NFATC1: variants seen among roughly 807,000 people sequenced by gnomAD.
NFATC1 encodes nuclear factor of activated T cells 1.
Under a neutral mutation model 76.0 loss-of-function variants are expected in NFATC1, and 22 were observed. The ratio of observed to expected loss-of-function variants is 0.29; its 90% CI spans 0.21 to 0.41. The LOEUF (loss-of-function observed/expected upper bound fraction) is 0.41. NFATC1 is among the 10% of genes least tolerant of loss of function. The probability of loss-of-function intolerance (pLI) is 1.00; values close to 1 mark genes in which losing one functional copy is unlikely to be tolerated. For synonymous variants in NFATC1, 704 were observed against 613.1 expected, an observed-to-expected ratio of 1.15 and a Z score of -2.19; for missense variants, 1,357 against 1,337.7, an observed-to-expected ratio of 1.01 and a Z score of -0.23.
At position 79,396,207 on chromosome 18, in the gene NFATC1, C is replaced by G; in HGVS notation, c.-18C>G. 1 of 1,470,288 alleles carries G rather than the reference C, an allele frequency of 6.8e-7. No homozygotes were observed. The highest frequency in any genetic ancestry group is 9.1e-7 in the Non-Finnish European group (1 of 1,101,824). The allele number at this position is 1,470,288 out of a possible 1,614,324, so 91.1% of individuals were successfully genotyped here. A position where few individuals can be genotyped will look rare whatever the true frequency, so the allele number is the denominator to read the frequency against. On this transcript the variant is annotated 5_prime_UTR_variant, in exon 1 of 10. Transcript: ENST00000427363. Reference sequence around the variant, plus strand: ...TGTGCCTCCGCCCGCCGCTCCACTCCCCGCCGCCGCCGCGCGGATGCCAAG... The same window carrying G: ...TGTGCCTCCGCCCGCCGCTCCACTCGCCGCCGCCGCCGCGCGGATGCCAAG...
chr18:79,527,461 G>C, intron 9 of NFATC1, 67 bp from the exon 10 acceptor site: 1 of 1,330,930 alleles, frequency 7.5e-7, no homozygotes, highest in Non-Finnish European at 1.1e-6. Context: ...GAGAAGCAGG[G>C]CTGGGGGCGT....
chr18:79,453,452 T>C (rs1294759370), intron 6 of NFATC1, among the ~76,000 whole-genome samples: 1 of 152,282 alleles, frequency 6.6e-6, no homozygotes. Context: ...GCCAAGGGGA[T>C]GCAGGACCAG....
chr18:79,400,506 G>T, intron 1 of NFATC1: 1 of 1,401,016 alleles, frequency 7.1e-7, no homozygotes, highest in Non-Finnish European at 9.3e-7. Context: ...GGGCGCGGGG[G>T]GCGCGGGGCC....
At chr18:79,512,472 C>T (rs2090278670) in intron 9 of NFATC1, among the ~76,000 whole-genome samples, 2 of 152,208 alleles carry the variant, frequency 1.3e-5, no homozygotes, top group South Asian at 4.1e-4. Flanking sequence ...GGAGGAGAAG[C>T]AACCCTGGCT....
intron 1 of NFATC1, among the ~76,000 whole-genome samples, chr18:79,397,771 C>G (rs1264245112): frequency 3.9e-5 from 6 of 152,138 alleles, no homozygotes; most frequent in African/African-American, 1.2e-4. Context: ...GGTGGCCGAC[C>G]TGTAGTAAGG....
intron 6 of NFATC1, among the ~76,000 whole-genome samples, chr18:79,454,937 G>A (rs992205426): frequency 8.6e-5 from 13 of 151,348 alleles, no homozygotes; most frequent in South Asian, 2.1e-4. Context: ...TCTGTGTTCC[G>A]ATGTGAGGCA....
chr18:79,482,899 G>A (rs564268360), intron 8 of NFATC1, among the ~76,000 whole-genome samples: 54 of 133,184 alleles, frequency 4.1e-4, no homozygotes, highest in Admixed American at 3.9e-4. Flanking sequence ...TCATTCCAGC[G>A]TGACCTGGTC....
At position 79,407,524 on chromosome 18, in the gene NFATC1, T is replaced by C. The variant is rs1348813825; in HGVS notation, c.128-2879T>C. Among the ~76,000 whole-genome samples, 3 of 152,220 alleles carry C rather than the reference T, an allele frequency of 2.0e-5. No homozygotes were observed. In the East Asian group the frequency reaches 5.8e-4, roughly 29 times the overall value. On this transcript the variant is annotated intron_variant, in intron 1 of 9. Transcript: ENST00000427363. Reference sequence around the variant, plus strand: ...GCAGGCTGGAGTGATCTCAGCTCACTGCAACCTCTGCCTCCTGGGCTCAAG... The same window carrying C: ...GCAGGCTGGAGTGATCTCAGCTCACCGCAACCTCTGCCTCCTGGGCTCAAG...
rs2085620806 is a variant in NFATC1, at chr18:79,410,321, T to A, written c.128-82T>A. Reference sequence around the variant, plus strand: ...GGGTCCGTTGGTCGAGGCCGGGGGTTGCTGGCCGGCCCTGAGTTCATGGGT... The same window carrying A: ...GGGTCCGTTGGTCGAGGCCGGGGGTAGCTGGCCGGCCCTGAGTTCATGGGT... On this transcript the variant is annotated intron_variant, in intron 1 of 9. Coordinates refer to ENST00000427363, the MANE Select transcript of NFATC1 (RefSeq NM_001278669.2). This position sits in a 1 kb window ranked among gnomAD's most constrained non-coding sequence, Gnocchi z 6.7. The A allele has an allele frequency of 6.6e-7, 1 of 1,523,598 alleles. No individual in the cohort carries two copies. Among genetic ancestry groups the A allele is most frequent in the African/African-American group, 1.4e-5 (1 of 72,466 alleles). The allele number at this position is 1,523,598 out of a possible 1,614,324, so 94.4% of individuals were successfully genotyped here. A position where few individuals can be genotyped will look rare whatever the true frequency, so the allele number is the denominator to read the frequency against.
chr18:79,432,383 T>TTGG (rs1324657737), intron 2 of NFATC1, among the ~76,000 whole-genome samples: 3 of 152,152 alleles, frequency 2.0e-5, no homozygotes, highest in African/African-American at 7.2e-5. Flanking sequence ...GTGAGGACGG[T>TTGG]CGGCGGGCCC....
chr18:79,488,099 G>A (rs2089566902), intron 9 of NFATC1, among the ~76,000 whole-genome samples: 1 of 152,198 alleles, frequency 6.6e-6, no homozygotes, highest in African/African-American at 2.4e-5. Context: ...GGACTCCCGG[G>A]CGTCAGGAGC....
At chr18:79,443,520 G>A (rs2087068663) in intron 3 of NFATC1, among the ~76,000 whole-genome samples, 1 of 152,180 alleles carries the variant, frequency 6.6e-6, no homozygotes, top group African/African-American at 2.4e-5. Flanking sequence ...GGGGGGTGGG[G>A]AGGAGCTAGT....
intron 9 of NFATC1, among the ~76,000 whole-genome samples, chr18:79,492,943 C>T (rs1318245128): frequency 8.5e-6 from 1 of 118,198 alleles, no homozygotes; most frequent in South Asian, 2.8e-4. Context: ...TCTTTGCTTT[C>T]CAGTCCTTTC....
chr18:79,472,932 C>T (rs1192114816), intron 8 of NFATC1, among the ~76,000 whole-genome samples: 4 of 152,238 alleles, frequency 2.6e-5, no homozygotes, highest in African/African-American at 7.2e-5. Context: ...TGGCACCCCT[C>T]GTGCGCCCTC....
chr18:79,461,244 G>T (rs962911337), intron 6 of NFATC1, 67 bp from the exon 7 acceptor site: 7 of 1,578,822 alleles, frequency 4.4e-6, no homozygotes, highest in Non-Finnish European at 6.1e-6. Flanking sequence ...TGGATCACGT[G>T]GGGGTGTCTG....
At chr18:79,431,675 G>A (rs1466125088) in intron 2 of NFATC1, among the ~76,000 whole-genome samples, 1 of 152,104 alleles carries the variant, frequency 6.6e-6, no homozygotes, top group Non-Finnish European at 1.5e-5. Context: ...ACAGGCATGA[G>A]CCACTGCGAC....
intron 4 of NFATC1, among the ~76,000 whole-genome samples, chr18:79,450,232 C>G (rs2087404824): frequency 6.6e-6 from 1 of 152,094 alleles, no homozygotes; most frequent in African/African-American, 2.4e-5. Flanking sequence ...AAAAATACTG[C>G]TTTTTAGTGC....
At chr18:79,414,312 C>T (rs190293358) in intron 2 of NFATC1, among the ~76,000 whole-genome samples, 4 of 152,288 alleles carry the variant, frequency 2.6e-5, no homozygotes, top group East Asian at 3.9e-4. Flanking sequence ...GGAGAATGCA[C>T]GACATGCCCA....
chr18:79,485,489 G>A (rs80040510), intron 8 of NFATC1, among the ~76,000 whole-genome samples: 10,488 of 152,326 alleles, frequency 0.069, 499 homozygotes, highest in Admixed American at 0.1. Context: ...ACAGAAGCCG[G>A]CACAAAGGCT....
Sources: gnomAD v4.1 joint callset for allele counts (sites outside exome capture counted in the v4.1 genomes callset) on GRCh38, gnomAD v4.1.1 for gene constraint, Gnocchi (gnomAD v3.1) non-coding constraint, MANE v1.5 for transcripts, NCBI Gene and HGNC (gene_info 2026-07-23, HGNC 2026-07-21) for gene names.